ACSM6: variants seen among roughly 807,000 people sequenced by gnomAD.
The protein encoded by ACSM6 is acyl-CoA synthetase medium chain family member 6.
A neutral mutation model predicts 51.1 loss-of-function variants in ACSM6; 35 were observed. The observed-to-expected ratio is 0.69, with a 90% CI of 0.52 to 0.91. The LOEUF is 0.91. Among genes scored for constraint, ACSM6 ranks in the 40% least tolerant of loss-of-function variants. The probability of loss-of-function intolerance (pLI) is 0.00; values close to 1 mark genes in which losing one functional copy is unlikely to be tolerated. For missense variants in ACSM6, 509 were observed against 584.1 expected (o/e 0.87, Z 1.32); for synonymous variants, 172 against 207.3 (o/e 0.83, Z 1.46).
At chr10:95,216,462 G>C (rs1417634517) in intron 8 of ACSM6, among the ~76,000 whole-genome samples, 1 of 152,180 alleles carries the variant, frequency 6.6e-6, no homozygotes, top group Non-Finnish European at 1.5e-5. Context: ...AGGCACTAGG[G>C]ATGACAGCGG....
At chr10:95,219,948 C>T in exon 9 of ACSM6, 2 of 1,612,754 alleles carry the variant, frequency 1.2e-6, no homozygotes, top group South Asian at 2.2e-5. Context: ...TCTGGGGAAG[C>T]CATTGCCACC....
chr10:95,224,778 C>T (rs2133395048), intron 9 of ACSM6, among the ~76,000 whole-genome samples: 1 of 152,312 alleles, frequency 6.6e-6, no homozygotes, highest in South Asian at 2.1e-4. Flanking sequence ...AATAACACCA[C>T]CTCCTAGACT....
intron 2 of ACSM6, chr10:95,201,576 A>G: frequency 8.8e-6 from 4 of 456,358 alleles, no homozygotes; most frequent in Middle Eastern, 6.5e-4. Flanking sequence ...CCTTAGGTTG[A>G]TTCCATCACT....
intron 2 of ACSM6, among the ~76,000 whole-genome samples, chr10:95,196,869 T>C (rs1383455445): frequency 6.6e-6 from 1 of 152,228 alleles, no homozygotes; most frequent in Non-Finnish European, 1.5e-5. Context: ...CATTGAGTGT[T>C]GAACCAAGAT....
chr10:95,219,266 T>C (rs896820816), intron 8 of ACSM6, among the ~76,000 whole-genome samples: 1 of 152,222 alleles, frequency 6.6e-6, no homozygotes, highest in South Asian at 2.1e-4. Flanking sequence ...TGAATTCCCA[T>C]GCATCCACTG....
intron 2 of ACSM6, chr10:95,201,297 T>G (rs1237403713): frequency 2.7e-6 from 1 of 364,524 alleles, no homozygotes; most frequent in African/African-American, 2.1e-5. Flanking sequence ...ACCAAATAGG[T>G]AATTTTGCAA....
intron 4 of ACSM6, among the ~76,000 whole-genome samples, chr10:95,207,958 T>G (rs1269786668): frequency 6.6e-6 from 1 of 151,944 alleles, no homozygotes; most frequent in Admixed American, 6.6e-5. Context: ...CTGGCCAACA[T>G]GGTGAAACCC....
At chr10:95,202,938 CAA>C (rs35376103) in intron 3 of ACSM6, among the ~76,000 whole-genome samples, 5 of 85,888 alleles carry the variant, frequency 5.8e-5, no homozygotes, top group Non-Finnish European at 4.5e-5. Context: ...GGCTCTGTCT[CAA>C]AAAAAAAAAA....
intron 3 of ACSM6, among the ~76,000 whole-genome samples, chr10:95,204,479 G>A (rs1156459267): frequency 2.0e-5 from 3 of 152,156 alleles, no homozygotes; most frequent in South Asian, 2.1e-4. Context: ...GCTTGAACCC[G>A]AGAGGTGGAG....
At chr10:95,225,489 C>A in intron 10 of ACSM6, 98 bp downstream of exon 10, 1 of 935,660 alleles carries the variant, frequency 1.1e-6, no homozygotes, top group Non-Finnish European at 1.5e-6. Context: ...ATACTTTTGT[C>A]CCAATTTTTA....
At chr10:95,217,132 A>G (rs815259) in intron 8 of ACSM6, among the ~76,000 whole-genome samples, 78,860 of 151,930 alleles carry the variant, frequency 0.52, 21,372 homozygotes, top group Middle Eastern at 0.66. Flanking sequence ...GGCAAATCAC[A>G]AGGTCAAGAG....
At chr10:95,216,220 C>T (rs541547276) in intron 8 of ACSM6, among the ~76,000 whole-genome samples, 2 of 152,166 alleles carry the variant, frequency 1.3e-5, no homozygotes, top group Non-Finnish European at 2.9e-5. Flanking sequence ...AGACACAATT[C>T]ACTGTGCCCA....
intron 4 of ACSM6, among the ~76,000 whole-genome samples, chr10:95,210,434 G>C (rs1261827865): frequency 6.6e-6 from 1 of 152,094 alleles, no homozygotes; most frequent in Non-Finnish European, 1.5e-5. Context: ...AATAAGGCTG[G>C]CGTATAAATG....
rs143956659 is a variant in ACSM6 at position 95,223,683 on chromosome 10, C to T, written c.1201-1607C>T. 2.9e-3 allele frequency among the ~76,000 whole-genome samples: 440 copies of T among 152,128 alleles called. 1 individual carries two copies. The highest frequency in any genetic ancestry group is 0.01 in the African/African-American group (418 of 41,468). Reference sequence around the variant, plus strand: ...AGCAATGAAAGGGAGCTTTCTCAACCTGACAAAGAGCATACAGAAACCCCA... The same window carrying T: ...AGCAATGAAAGGGAGCTTTCTCAACTTGACAAAGAGCATACAGAAACCCCA... On this transcript the variant is annotated intron_variant, in intron 9 of 10. Transcript: ENST00000341686.
intron 2 of ACSM6, 96 bp from the exon 3 acceptor site, chr10:95,201,889 A>T (rs1589491277): frequency 9.7e-7 from 1 of 1,029,282 alleles, no homozygotes; most frequent in Non-Finnish European, 1.5e-6. Flanking sequence ...GCCTCTCAAG[A>T]TCTAGCCACT....
chr10:95,204,548 T>C (rs1347547325), intron 3 of ACSM6, among the ~76,000 whole-genome samples: 1 of 152,094 alleles, frequency 6.6e-6, no homozygotes. Context: ...AATGAGACTC[T>C]GTCTATTTAA....
At chr10:95,224,861 A>G (rs2035024305) in intron 9 of ACSM6, among the ~76,000 whole-genome samples, 1 of 152,194 alleles carries the variant, frequency 6.6e-6, no homozygotes, top group South Asian at 2.1e-4. Flanking sequence ...TAAGATGGCT[A>G]ATTAAGTGTC....
intron 2 of ACSM6, among the ~76,000 whole-genome samples, chr10:95,196,128 T>C (rs558913708): frequency 5.6e-4 from 86 of 152,334 alleles, no homozygotes; most frequent in African/African-American, 1.8e-3. Context: ...AGGGCTAGCG[T>C]TGTGCCTTTT....
At chr10:95,220,572 C>T (rs927114163) in intron 9 of ACSM6, among the ~76,000 whole-genome samples, 2 of 152,180 alleles carry the variant, frequency 1.3e-5, no homozygotes, top group African/African-American at 2.4e-5. Context: ...TCACGCCTAT[C>T]TCGCCTTTTT....
Sources: allele counts gnomAD v4.1 joint callset (sites outside exome capture counted in the v4.1 genomes callset), GRCh38; gene constraint gnomAD v4.1.1; transcripts MANE v1.5; gene names NCBI Gene and HGNC (gene_info 2026-07-23, HGNC 2026-07-21).